Variants in FHIP2A observed in about 807,000 individuals in gnomAD.
The protein encoded by FHIP2A is family with sequence similarity 160 member B1.
A neutral mutation model predicts 93.5 loss-of-function variants in FHIP2A; 46 were observed. That is an observed-to-expected ratio of 0.49 (90% CI 0.39 to 0.63). The LOEUF (loss-of-function observed/expected upper bound fraction) is 0.63, where lower values mean the gene tolerates loss of function less well. Ranked by LOEUF, FHIP2A falls within the 20% of genes least tolerant of loss-of-function variation. The probability of loss-of-function intolerance (pLI) is 0.00; values close to 1 mark genes in which losing one functional copy is unlikely to be tolerated. For synonymous variants in FHIP2A, 332 were observed against 326.5 expected, an observed-to-expected ratio of 1.02 and a Z score of -0.18; for missense variants, 769 against 909.7, an observed-to-expected ratio of 0.85 and a Z score of 1.99.
At chr10:114,859,113 T>C (rs1362313939) in intron 14 of FHIP2A, among the ~76,000 whole-genome samples, 1 of 152,150 alleles carries the variant, frequency 6.6e-6, no homozygotes, top group African/African-American at 2.4e-5. Flanking sequence ...TTACCTTGCT[T>C]ACAGCTAGGT....
chr10:114,880,934 C>T, intron 16 of FHIP2A, among the ~76,000 whole-genome samples: 1 of 152,216 alleles, frequency 6.6e-6, no homozygotes. Flanking sequence ...GACCTTCCCT[C>T]CTTACAAGGC....
At chr10:114,898,413 A>G (rs752417384) in intron 16 of FHIP2A, among the ~76,000 whole-genome samples, 57 of 152,174 alleles carry the variant, frequency 3.7e-4, no homozygotes, top group Non-Finnish European at 7.1e-4. Context: ...TGAGAGACTC[A>G]TGGTTCCCTG....
intron 16 of FHIP2A, among the ~76,000 whole-genome samples, chr10:114,877,381 G>A (rs1029753510): frequency 5.9e-5 from 9 of 152,012 alleles, no homozygotes; most frequent in Admixed American, 2.0e-4. Flanking sequence ...CGCAAAATAT[G>A]GATACGCTAT....
rs762027536 is a variant in FHIP2A at position 114,860,871 on chromosome 10, C to T, written c.2070C>T (p.Leu690=). Residue 690 remains leucine (L), a synonymous_variant, in exon 15 of 17, where the codon CTC becomes CTT. Coordinates refer to ENST00000369248, the MANE Select transcript of FHIP2A (RefSeq NM_020940.4). ...ACCTCGCTCCTGGCTGTAGATCTCT[C>T]TTCTCTGTAATTGTCAGGGTGAGTT... ...YVNLAPGCRS[L]FSVIVRVVGD... 18 of 1,613,610 alleles carry T rather than the reference C, an allele frequency of 1.1e-5. No homozygotes were observed. Among genetic ancestry groups the T allele is most frequent in the Non-Finnish European group, 1.5e-5 (18 of 1,179,644 alleles).
chr10:114,861,185 G>T, intron 15 of FHIP2A, 46 bp from the exon 16 acceptor site: 5 of 1,607,946 alleles, frequency 3.1e-6, no homozygotes, highest in Non-Finnish European at 4.2e-6. Context: ...GAGGTTGTCT[G>T]TGTAGCTGAT....
intron 16 of FHIP2A, among the ~76,000 whole-genome samples, chr10:114,884,800 G>C (rs1407889559): frequency 6.6e-6 from 1 of 151,884 alleles, no homozygotes; most frequent in Non-Finnish European, 1.5e-5. Context: ...TATTGTCCCA[G>C]GTACTTGGGA....
chr10:114,846,392 T>G, intron 10 of FHIP2A, 25 bp downstream of exon 10: 4 of 1,582,458 alleles, frequency 2.5e-6, no homozygotes, highest in Non-Finnish European at 3.5e-6. Context: ...GATTTAGAAT[T>G]GGACTTAGAT....
chr10:114,834,179 A>C (rs981748659), intron 3 of FHIP2A, among the ~76,000 whole-genome samples: 1 of 152,222 alleles, frequency 6.6e-6, no homozygotes, highest in African/African-American at 2.4e-5. Context: ...TGACAGAGAG[A>C]TATGAATAGT....
chr10:114,897,389 G>A (rs753438264), intron 16 of FHIP2A, among the ~76,000 whole-genome samples: 15 of 152,162 alleles, frequency 9.9e-5, no homozygotes, highest in Non-Finnish European at 1.6e-4. Context: ...GCTGGCAAGT[G>A]TACCCTTTCT....
At position 114,864,182 on chromosome 10, in the gene FHIP2A, T is replaced by TA; in HGVS notation, c.*2643dup. ...ACACTGTTGCTAGTGTAAACATTGT[T>TA]ACACTTAATTTTACAGGGCACAAAT... On this transcript the variant is annotated 3_prime_UTR_variant, in exon 17 of 17. Transcript: ENST00000369248. 1 of 984,660 alleles carries TA rather than the reference T, an allele frequency of 1.0e-6. No homozygotes were observed. Among genetic ancestry groups the TA allele is most frequent in the Non-Finnish European group, 1.2e-6 (1 of 828,876 alleles). 61.0% of individuals were successfully genotyped at this position (984,660 alleles called of 1,614,324 possible). A position where few individuals can be genotyped will look rare whatever the true frequency, so the allele number is the denominator to read the frequency against.
At chr10:114,831,915 A>C (rs1430923124) in intron 2 of FHIP2A, among the ~76,000 whole-genome samples, 1 of 152,238 alleles carries the variant, frequency 6.6e-6, no homozygotes, top group African/African-American at 2.4e-5. Context: ...CTGAAAACAA[A>C]GGTGACCCTT....
At chr10:114,874,505 T>C (rs2083874367) in intron 16 of FHIP2A, among the ~76,000 whole-genome samples, 1 of 152,200 alleles carries the variant, frequency 6.6e-6, no homozygotes, top group South Asian at 2.1e-4. Context: ...TAGTATTTTT[T>C]CGTTTTTCTT....
rs200778412 is a variant in FHIP2A at position 114,833,249 on chromosome 10, G to C, written c.141G>C (p.Val47=). The change falls in exon 3 of 17, where the codon GTG becomes GTC. Residue 47 remains valine (V), a synonymous_variant. Transcript: ENST00000369248. The part of the protein sequence containing the change: ...YIETSDDKAP[V]TDTNIPSHLE... ...ATTGTTTAGATGATAAAGCCCCAGT[G>C]ACCGATACAAATATTCCATCGCATC... The C allele has an allele frequency of 4.3e-5, 69 of 1,609,726 alleles. No homozygotes were observed. Among genetic ancestry groups the C allele is most frequent in the Admixed American group, 1.2e-4 (7 of 59,100 alleles).
intron 13 of FHIP2A, among the ~76,000 whole-genome samples, chr10:114,850,036 TC>T (rs1245666926): frequency 6.6e-6 from 1 of 152,254 alleles, no homozygotes; most frequent in African/African-American, 2.4e-5. Flanking sequence ...TTGGGTTGTT[TC>T]TAATTGTTGA....
rs1372625085 is a variant in FHIP2A at position 114,864,314 on chromosome 10, A to T, written c.*2774A>T. On this transcript the variant is annotated 3_prime_UTR_variant, in exon 17 of 17. Transcript: ENST00000369248. ...CATCAGTATTGACAGAAGACGTTAC[A>T]GTGAAGTGCTAAAACCACACTATAT... The T allele has an allele frequency of 1.0e-6, 1 of 985,368 alleles. No individual in the cohort carries two copies. The highest frequency in any genetic ancestry group is 1.7e-5 in the African/African-American group (1 of 57,232). 61.0% of individuals were successfully genotyped at this position (985,368 alleles called of 1,614,324 possible).
chr10:114,859,142 A>G (rs2083783323), intron 14 of FHIP2A, among the ~76,000 whole-genome samples: 1 of 152,234 alleles, frequency 6.6e-6, no homozygotes, highest in African/African-American at 2.4e-5. Context: ...AAAATAATAA[A>G]TGACTTGGAG....
intron 13 of FHIP2A, among the ~76,000 whole-genome samples, chr10:114,849,907 G>A (rs1197963543): frequency 2.6e-5 from 4 of 152,174 alleles, no homozygotes; most frequent in African/African-American, 4.8e-5. Flanking sequence ...TTTACTCAGT[G>A]TAAGGTCATG....
At chr10:114,896,877 G>T (rs1447792537) in intron 16 of FHIP2A, among the ~76,000 whole-genome samples, 1 of 152,148 alleles carries the variant, frequency 6.6e-6, no homozygotes, top group East Asian at 1.9e-4. Flanking sequence ...TAGCTTTGCA[G>T]ATTTTCTCCT....
chr10:114,850,689 G>A (rs2083729567), intron 13 of FHIP2A, among the ~76,000 whole-genome samples: 1 of 152,114 alleles, frequency 6.6e-6, no homozygotes, highest in Non-Finnish European at 1.5e-5. Flanking sequence ...AACAGAGCAA[G>A]ACCCTGTCTC....
Sources: gnomAD v4.1 joint callset for allele counts (sites outside exome capture counted in the v4.1 genomes callset) on GRCh38, gnomAD v4.1.1 for gene constraint, MANE v1.5 for transcripts, NCBI Gene and HGNC (gene_info 2026-07-23, HGNC 2026-07-21) for gene names.